The following NUCB1 variants were observed in gnomAD, a reference collection of about 807,000 sequenced individuals.
The protein encoded by NUCB1 is nucleobindin 1, also known as nucleobindin-1.
Under a neutral mutation model 61.2 loss-of-function variants are expected in NUCB1, and 47 were observed. That is an observed-to-expected ratio of 0.77 (90% CI 0.61 to 0.98). NUCB1 has a LOEUF of 0.98. Ranked by LOEUF, NUCB1 falls within the 50% of genes least tolerant of loss-of-function variation. The pLI is 0.00. For missense variants in NUCB1, 583 were observed against 605.3 expected (o/e 0.96, Z 0.39); for synonymous variants, 234 against 243.1 (o/e 0.96, Z 0.35).
intron 4 of NUCB1, among the ~76,000 whole-genome samples, chr19:48,909,707 A>G (rs1008223232): frequency 2.0e-5 from 3 of 151,484 alleles, no homozygotes; most frequent in African/African-American, 7.3e-5. Flanking sequence ...GCACACAGCT[A>G]ATTTTTATAT....
At chr19:48,919,309 G>C in intron 10 of NUCB1, 23 bp downstream of exon 10, 1 of 1,576,066 alleles carries the variant, frequency 6.3e-7, no homozygotes, top group South Asian at 1.1e-5. Context: ...GGGATACTCG[G>C]GGTCCTGAAC....
At chr19:48,913,633 T>C (rs996408223) in intron 7 of NUCB1, 69 bp downstream of exon 7, 35 of 1,298,986 alleles carry the variant, frequency 2.7e-5, no homozygotes, top group Non-Finnish European at 3.7e-5. Context: ...ACCTGAATGC[T>C]AAGAGGGGTG....
chr19:48,912,622 G>C (rs1275671749), intron 5 of NUCB1, among the ~76,000 whole-genome samples: 1 of 152,082 alleles, frequency 6.6e-6, no homozygotes, highest in Non-Finnish European at 1.5e-5. Flanking sequence ...GATCACCTGA[G>C]GTCAGGAGTT....
At chr19:48,907,588 C>T (rs1249145584) in intron 4 of NUCB1, among the ~76,000 whole-genome samples, 1 of 152,156 alleles carries the variant, frequency 6.6e-6, no homozygotes, top group East Asian at 1.9e-4. Context: ...ATCTTAAGGT[C>T]TTTAATGTAA....
At chr19:48,906,180 C>T (rs2122171079) in intron 4 of NUCB1, among the ~76,000 whole-genome samples, 1 of 152,196 alleles carries the variant, frequency 6.6e-6, no homozygotes, top group South Asian at 2.1e-4. Flanking sequence ...CTGAGGCAAG[C>T]AGGTCACCTG....
At position 48,921,142 on chromosome 19, in the gene NUCB1, C is replaced by A; in HGVS notation, c.1003-12C>A. On this transcript the variant is annotated splice_polypyrimidine_tract_variant and intron_variant, in intron 10 of 12. Coordinates refer to ENST00000405315, the MANE Select transcript of NUCB1 (RefSeq NM_006184.6). ...ACCTGTGCCCCTGATGGCCCCTGTG[C>A]CTGCCCTGCAGACAGTGGAGATGCA... 1.3e-6 allele frequency: 2 copies of A among 1,595,080 alleles called. No individual in the cohort carries two copies. The highest frequency in any genetic ancestry group is 8.6e-7 in the Non-Finnish European group (1 of 1,168,216).
At chr19:48,901,006 A>G in intron 2 of NUCB1, 75 bp downstream of exon 2, 1 of 1,563,954 alleles carries the variant, frequency 6.4e-7, no homozygotes, top group Non-Finnish European at 8.8e-7. Flanking sequence ...CGGTGCCCGT[A>G]GGGCGGATGC....
At chr19:48,918,661 C>G in intron 7 of NUCB1, 65 bp from the exon 8 acceptor site, 3 of 1,401,862 alleles carry the variant, frequency 2.1e-6, no homozygotes, top group Non-Finnish European at 3.0e-6. Context: ...AAAATTTCTT[C>G]ACCAGGGACC....
At chr19:48,912,969 G>A in intron 5 of NUCB1, 42 bp from the exon 6 acceptor site, 1 of 1,503,508 alleles carries the variant, frequency 6.7e-7, no homozygotes, top group Non-Finnish European at 9.0e-7. Context: ...TTGGGGGCTG[G>A]GCAGAGGGGG....
At chr19:48,919,386 C>T (rs2037580709) in intron 10 of NUCB1, 100 bp downstream of exon 10, 2 of 830,116 alleles carry the variant, frequency 2.4e-6, no homozygotes, top group Admixed American at 4.9e-5. Context: ...CTCTGGGTCC[C>T]CGTCCATTCT....
At position 48,907,769 on chromosome 19, in the gene NUCB1, G is replaced by A. The variant is rs149387492; in HGVS notation, c.376+1884G>A. 1.6e-4 allele frequency among the ~76,000 whole-genome samples: 25 copies of A among 152,286 alleles called. No individual in the cohort carries two copies. In the East Asian group the frequency reaches 2.9e-3, roughly 18 times the overall value. ...CCGGCACCCCAGTGCCCTCAGGCCC[G>A]CATTCATGTTCCTCTTGTCTGCTCG... On this transcript the variant is annotated intron_variant, in intron 4 of 12. Coordinates refer to ENST00000405315, the MANE Select transcript of NUCB1 (RefSeq NM_006184.6).
At chr19:48,902,879 G>C (rs75985418) in intron 2 of NUCB1, among the ~76,000 whole-genome samples, 6,757 of 151,918 alleles carry the variant, frequency 0.044, 458 homozygotes, top group African/African-American at 0.15. Flanking sequence ...AGGGAGGGGA[G>C]AGGGGGATTA....
chr19:48,918,821 G>A (rs766309729), intron 8 of NUCB1, 37 bp downstream of exon 8: 18 of 1,568,412 alleles, frequency 1.1e-5, no homozygotes, highest in Non-Finnish European at 5.3e-6. Context: ...CTGGAGGGAC[G>A]CCCAAATCAG....
intron 1 of NUCB1, 87 bp from the exon 2 acceptor site, chr19:48,900,699 G>C: frequency 6.7e-7 from 1 of 1,499,184 alleles, no homozygotes; most frequent in Non-Finnish European, 9.0e-7. Context: ...AAGTGGGGGC[G>C]GCGCTGGGGG....
rs1316619681 is a variant in NUCB1 at position 48,922,450 on chromosome 19, T to C, written c.*26T>C. 1 of 1,563,796 alleles carries C rather than the reference T, an allele frequency of 6.4e-7. No homozygotes were observed. On this transcript the variant is annotated 3_prime_UTR_variant, in exon 13 of 13. Transcript: ENST00000405315. ...TCCTCCGGGACCCCAGCCCTCAGGA[T>C]TCCTGATGCTCCAAGGCGACTGATG...
chr19:48,905,918 G>A, intron 4 of NUCB1, 33 bp downstream of exon 4: 1 of 1,530,332 alleles, frequency 6.5e-7, no homozygotes, highest in Non-Finnish European at 8.9e-7. Flanking sequence ...GGACAGGCAG[G>A]GAGGGGTGGG....
chr19:48,915,687 G>A (rs1223331858), intron 7 of NUCB1, among the ~76,000 whole-genome samples: 2 of 151,972 alleles, frequency 1.3e-5, no homozygotes, highest in African/African-American at 4.8e-5. Context: ...TTTTAGTAAA[G>A]GCAAGGTTTT....
At position 48,917,696 on chromosome 19, in the gene NUCB1, A is replaced by G. The variant is rs184658713; in HGVS notation, c.758-1030A>G. Among the ~76,000 whole-genome samples the G allele has an allele frequency of 6.5e-3, 994 of 151,806 alleles. 19 individuals are homozygous for G. Among genetic ancestry groups the G allele is most frequent in the African/African-American group, 0.023 (953 of 41,388 alleles). On this transcript the variant is annotated intron_variant, in intron 7 of 12. Coordinates refer to ENST00000405315, the MANE Select transcript of NUCB1 (RefSeq NM_006184.6). ...ATTTTTGTAGAGACGGGGTTTTACT[A>G]TGCTGGCCAGGCTGGTCTTGAACTC...
intron 11 of NUCB1, among the ~76,000 whole-genome samples, chr19:48,921,602 C>G (rs1000291273): frequency 6.6e-6 from 1 of 152,120 alleles, no homozygotes; most frequent in Non-Finnish European, 1.5e-5. Context: ...TGAGGGTTTC[C>G]CTGTCCCAAA....
Sources: gnomAD v4.1 joint callset for allele counts (sites outside exome capture counted in the v4.1 genomes callset) on GRCh38, gnomAD v4.1.1 for gene constraint, MANE v1.5 for transcripts, NCBI Gene and HGNC (gene_info 2026-07-23, HGNC 2026-07-21) for gene names.